The following LPIN1 variants were observed in gnomAD, a reference collection of about 807,000 sequenced individuals.
The protein encoded by LPIN1 is phosphatidate phosphatase LPIN1.
Under a neutral mutation model 107.5 loss-of-function variants are expected in LPIN1, and 71 were observed. The ratio of observed to expected loss-of-function variants is 0.66; its 90% confidence interval spans 0.55 to 0.80. LPIN1 has a LOEUF of 0.80. Ranked by LOEUF, LPIN1 falls within the 30% of genes least tolerant of loss-of-function variation. The pLI, the probability that LPIN1 is intolerant of heterozygous loss-of-function variation, is 0.00. For synonymous variants in LPIN1, 445 were observed against 452.6 expected, an observed-to-expected ratio of 0.98 and a Z score of 0.21; for missense variants, 1,043 against 1,160.6, an observed-to-expected ratio of 0.90 and a Z score of 1.47.
intron 1 of LPIN1, among the ~76,000 whole-genome samples, chr2:11,687,806 AGGTG>A: frequency 6.6e-6 from 1 of 152,376 alleles, no homozygotes; most frequent in South Asian, 2.1e-4. Context: ...CAGCCTTATC[AGGTG>A]GGTGGCTTGT....
chr2:11,754,283 C>T (rs1668334516), intron 1 of LPIN1, among the ~76,000 whole-genome samples: 1 of 152,190 alleles, frequency 6.6e-6, no homozygotes, highest in Admixed American at 6.5e-5. Flanking sequence ...CTTGGATGTG[C>T]CTTAAGCCCA....
rs1670696181 is a variant in LPIN1, at chr2:11,765,467, A to G, written c.-9-66A>G. Reference sequence around the variant, plus strand: ...ACGTTTTTGAAATGGTGAGGAGTTCATTTTGATTGGCTCTTCCTTGGATTA... The same window carrying G: ...ACGTTTTTGAAATGGTGAGGAGTTCGTTTTGATTGGCTCTTCCTTGGATTA... On this transcript the variant is annotated intron_variant, in intron 1 of 20. Coordinates refer to ENST00000674199, the MANE Select transcript of LPIN1 (RefSeq NM_001349206.2). The surrounding 1 kb of genome is among the most constrained non-coding windows in gnomAD (Gnocchi z 4.4). 1.3e-6 allele frequency: 2 copies of G among 1,483,836 alleles called. No individual in the cohort carries two copies. The highest frequency in any genetic ancestry group is 1.4e-5 in the African/African-American group (1 of 71,780). 91.9% of individuals were successfully genotyped at this position (1,483,836 alleles called of 1,614,324 possible).
At chr2:11,820,368 C>G (rs1681302116) in intron 19 of LPIN1, 43 bp from the exon 20 acceptor site, 2 of 1,308,584 alleles carry the variant, frequency 1.5e-6, no homozygotes, top group Non-Finnish European at 2.2e-6. Context: ...TTACAATGAA[C>G]TCTTTTCTAA....
intron 12 of LPIN1, among the ~76,000 whole-genome samples, chr2:11,790,612 T>C (rs1166268034): frequency 6.6e-6 from 1 of 152,192 alleles, no homozygotes; most frequent in African/African-American, 2.4e-5. Context: ...GGGAGGCAGA[T>C]GAGCTGCTCA....
chr2:11,811,222 G>A (rs148695777), intron 17 of LPIN1, among the ~76,000 whole-genome samples: 1 of 152,294 alleles, frequency 6.6e-6, no homozygotes, highest in East Asian at 1.9e-4. Flanking sequence ...TGAAGGGACC[G>A]TGGAAGGAGC....
rs567446109 is a variant in LPIN1, at chr2:11,816,586, T to C, written c.2402+1346T>C. ...AAAACCCTAAATCTCATAGTTGATA[T>C]GTCCTCTTGGAAGGCCAAGGTGCTC... On this transcript the variant is annotated intron_variant, in intron 18 of 20. Coordinates refer to ENST00000674199, the MANE Select transcript of LPIN1 (RefSeq NM_001349206.2). The C allele has an allele frequency of 7.2e-5, 11 of 152,336 alleles. No individual in the cohort carries two copies. In the South Asian group the frequency reaches 2.1e-3, roughly 29 times the overall value. The allele number at this position is 152,336 out of a possible 1,614,324, so 9.4% of individuals were successfully genotyped here.
At chr2:11,755,714 CACTT>C (rs1220834954) in intron 1 of LPIN1, among the ~76,000 whole-genome samples, 1 of 150,890 alleles carries the variant, frequency 6.6e-6, no homozygotes. Flanking sequence ...TCCTGCAAGA[CACTT>C]AGTTCTTTTT....
chr2:11,805,803 C>T (rs1678569172), intron 17 of LPIN1, among the ~76,000 whole-genome samples: 2 of 152,200 alleles, frequency 1.3e-5, no homozygotes, highest in South Asian at 4.1e-4. Flanking sequence ...GTGAAATTAA[C>T]TAGGAGAACT....
At chr2:11,752,596 T>A (rs1282875974) in intron 1 of LPIN1, among the ~76,000 whole-genome samples, 1 of 150,262 alleles carries the variant, frequency 6.7e-6, no homozygotes, top group African/African-American at 2.5e-5. Context: ...TACGCCCGGC[T>A]AATTTTTTGT....
chr2:11,678,868 A>G (rs570613965), intron 1 of LPIN1, among the ~76,000 whole-genome samples: 1 of 152,318 alleles, frequency 6.6e-6, no homozygotes, highest in Admixed American at 6.5e-5. Flanking sequence ...ATCCCTCTAC[A>G]TGATGGGGAC....
chr2:11,792,738 C>G (rs1179095775), intron 13 of LPIN1, among the ~76,000 whole-genome samples: 1 of 152,182 alleles, frequency 6.6e-6, no homozygotes, highest in South Asian at 2.1e-4. Context: ...TCTCTGAGTC[C>G]TTTCACTGAA....
chr2:11,727,893 C>A (rs547635870), intron 1 of LPIN1, among the ~76,000 whole-genome samples: 2 of 152,340 alleles, frequency 1.3e-5, no homozygotes, highest in South Asian at 4.1e-4. Context: ...TCGACAAATA[C>A]AGCATTCGTG....
intron 1 of LPIN1, among the ~76,000 whole-genome samples, chr2:11,702,955 A>C (rs964911452): frequency 6.6e-6 from 1 of 152,160 alleles, no homozygotes; most frequent in Non-Finnish European, 1.5e-5. Context: ...ATGGAGATGG[A>C]AGTGTGGATG....
At chr2:11,746,570 T>TCTGCCCC, upstream of LPIN1, 4 of 717,892 alleles carry the variant, frequency 5.6e-6, no homozygotes, top group Non-Finnish European at 6.8e-6. Flanking sequence ...GCCCCTGCCC[T>TCTGCCCC]CTGCCCCCGC....
At chr2:11,807,003 C>T (rs767284209) in intron 17 of LPIN1, among the ~76,000 whole-genome samples, 1 of 152,142 alleles carries the variant, frequency 6.6e-6, no homozygotes, top group African/African-American at 2.4e-5. Flanking sequence ...TTCTTTAACT[C>T]GCCCTCTATT....
At chr2:11,795,314 G>T in intron 13 of LPIN1, 94 bp from the exon 14 acceptor site, 1 of 1,003,260 alleles carries the variant, frequency 1.0e-6, no homozygotes. Context: ...ATCTTTAGGG[G>T]TCCTGCCTTA....
intron 2 of LPIN1, chr2:11,741,556 G>GTTCATTCGTCAGT: frequency 1.5e-6 from 1 of 663,278 alleles, no homozygotes; most frequent in East Asian, 3.1e-5. Context: ...CTCGAGCTCA[G>GTTCATTCGTCAGT]GAGTTTGAGA....
upstream of LPIN1, among the ~76,000 whole-genome samples, chr2:11,743,506 G>A (rs952559288): frequency 8.5e-5 from 13 of 152,292 alleles, no homozygotes; most frequent in East Asian, 5.8e-4. The surrounding 1 kb of genome is among the most constrained non-coding windows in gnomAD (Gnocchi z 4.7). Context: ...GTAGTGAAGC[G>A]GCACCAGGTG....
intron 15 of LPIN1, 125 bp from the exon 16 acceptor site, chr2:11,804,298 C>G (rs767862330): frequency 3.9e-6 from 4 of 1,018,136 alleles, no homozygotes; most frequent in Non-Finnish European, 6.0e-6. Flanking sequence ...AAGAATTATA[C>G]AAGGGCCCAG....
Sources: gnomAD v4.1 joint callset for allele counts (sites outside exome capture counted in the v4.1 genomes callset) on GRCh38, gnomAD v4.1.1 for gene constraint, Gnocchi (gnomAD v3.1) non-coding constraint, MANE v1.5 for transcripts, NCBI Gene and HGNC (gene_info 2026-07-23, HGNC 2026-07-21) for gene names.